Variants in SORCS2 observed in about 807,000 individuals in gnomAD.
SORCS2 encodes the protein VPS10 domain-containing receptor SorCS2.
In SORCS2, 100 loss-of-function variants were observed where a neutral mutation model predicts 141.6. The observed-to-expected ratio is 0.71, with a 90% CI of 0.60 to 0.83. SORCS2 has a LOEUF of 0.83. SORCS2 is among the 40% of genes least tolerant of loss of function. SORCS2 has a pLI of 0.00. For missense variants in SORCS2, 1,646 were observed against 1,560.2 expected (o/e 1.05, Z -0.93); for synonymous variants, 789 against 676.9 (o/e 1.17, Z -2.57).
intron 1 of SORCS2, among the ~76,000 whole-genome samples, chr4:7,316,087 CATCT>C (rs1246546831): frequency 6.6e-6 from 1 of 152,030 alleles, no homozygotes; most frequent in Non-Finnish European, 1.5e-5. Context: ...TCTGTCCATC[CATCT>C]ATCCATCCAT....
chr4:7,279,612 T>A, intron 1 of SORCS2, among the ~76,000 whole-genome samples: 1 of 152,228 alleles, frequency 6.6e-6, no homozygotes, highest in South Asian at 2.1e-4. Flanking sequence ...CTTCCCTGCA[T>A]TATCAAGGCA....
chr4:7,421,519 C>A (rs954876064), intron 2 of SORCS2, among the ~76,000 whole-genome samples: 1 of 152,166 alleles, frequency 6.6e-6, no homozygotes, highest in Non-Finnish European at 1.5e-5. Context: ...TTCTAGCCAG[C>A]GCCAGGGAAT....
intron 3 of SORCS2, among the ~76,000 whole-genome samples, chr4:7,628,836 A>G (rs1719690111): frequency 6.6e-6 from 1 of 152,216 alleles, no homozygotes; most frequent in Non-Finnish European, 1.5e-5. Context: ...ACTGAACTGT[A>G]CACTCGAGAA....
intron 2 of SORCS2, chr4:7,434,809 T>C (rs1363316802): frequency 6.2e-7 from 1 of 1,607,420 alleles, no homozygotes; most frequent in Admixed American, 1.7e-5. Flanking sequence ...TGCACACTCC[T>C]GGGGGCCTGA....
chr4:7,306,446 G>A (rs1276589008), intron 1 of SORCS2, among the ~76,000 whole-genome samples: 8 of 152,180 alleles, frequency 5.3e-5, no homozygotes, highest in Admixed American at 2.6e-4. Flanking sequence ...CGGTGGCCCT[G>A]CTGTGTCTGA....
In SORCS2 at chr4:7,695,936, G is replaced by GGA. The variant is rs1560491022; in HGVS notation, c.1592-1262_1592-1261insGA. Among the ~76,000 whole-genome samples the GGA allele has an allele frequency of 1.6e-4, 12 of 76,226 alleles. 1 individual carries two copies. Among genetic ancestry groups the GGA allele is most frequent in the East Asian group, 7.6e-4 (2 of 2,622 alleles). 50.0% of individuals were successfully genotyped at this position (76,226 alleles called of 152,430 possible). Reference sequence around the variant, plus strand: ...GATGGATGGATGGATTGGTGGGTGGGTGGGTGGATGGATGGATGGATGGAT... The same window carrying GGA: ...GATGGATGGATGGATTGGTGGGTGGGGATGGGTGGATGGATGGATGGATGGAT... On this transcript the variant is annotated intron_variant, in intron 11 of 26. Coordinates refer to ENST00000507866, the MANE Select transcript of SORCS2 (RefSeq NM_020777.3).
chr4:7,386,701 A>T, intron 1 of SORCS2, among the ~76,000 whole-genome samples: 1 of 149,286 alleles, frequency 6.7e-6, no homozygotes, highest in East Asian at 2.0e-4. Context: ...ATGCACACAC[A>T]GATACAGAGA....
intron 3 of SORCS2, among the ~76,000 whole-genome samples, chr4:7,595,747 C>G (rs781477284): frequency 3.3e-5 from 5 of 152,178 alleles, no homozygotes; most frequent in Non-Finnish European, 7.3e-5. Flanking sequence ...TGCCCTGGTT[C>G]TGTGATTTCA....
intron 1 of SORCS2, among the ~76,000 whole-genome samples, chr4:7,379,529 G>A (rs1223054783): frequency 2.6e-5 from 4 of 152,194 alleles, no homozygotes; most frequent in African/African-American, 4.8e-5. Flanking sequence ...AGGCTTTCCC[G>A]TTCACAAATG....
chr4:7,687,855 C>T (rs183490467), intron 10 of SORCS2, among the ~76,000 whole-genome samples: 61 of 152,278 alleles, frequency 4.0e-4, no homozygotes, highest in South Asian at 1.5e-3. Context: ...AGGAAGGCCC[C>T]GATCCTTAGC....
At chr4:7,209,991 C>T (rs1727970594) in intron 1 of SORCS2, among the ~76,000 whole-genome samples, 3 of 152,210 alleles carry the variant, frequency 2.0e-5, no homozygotes, top group Admixed American at 6.5e-5. Flanking sequence ...GAGGTTACAG[C>T]CCTCTGGGAC....
intron 2 of SORCS2, among the ~76,000 whole-genome samples, chr4:7,454,427 C>T (rs1473395126): frequency 7.2e-5 from 8 of 110,456 alleles, no homozygotes; most frequent in South Asian, 3.2e-4. Context: ...GGTCAGGCTC[C>T]GTGTTGGAGT....
At chr4:7,583,545 G>T (rs1260540298) in intron 3 of SORCS2, among the ~76,000 whole-genome samples, 1 of 152,148 alleles carries the variant, frequency 6.6e-6, no homozygotes, top group African/African-American at 2.4e-5. Context: ...GGGGCCCAGT[G>T]GGAGATAACT....
intron 1 of SORCS2, among the ~76,000 whole-genome samples, chr4:7,338,849 G>C (rs1720196038): frequency 6.6e-6 from 1 of 152,208 alleles, no homozygotes; most frequent in Admixed American, 6.5e-5. Flanking sequence ...CAAAGCTGTT[G>C]CTCCTGGGCC....
At chr4:7,739,516 C>A (rs572976303) in intron 26 of SORCS2, among the ~76,000 whole-genome samples, 1 of 152,208 alleles carries the variant, frequency 6.6e-6, no homozygotes, top group Non-Finnish European at 1.5e-5. Context: ...ATGCAGCAGC[C>A]GCACTTCCCC....
chr4:7,656,090 A>T (rs1214687208), intron 5 of SORCS2, among the ~76,000 whole-genome samples: 1 of 152,188 alleles, frequency 6.6e-6, no homozygotes, highest in African/African-American at 2.4e-5. Context: ...GCGGTGAATA[A>T]TGCTGTTTTG....
In SORCS2 at chr4:7,517,896, A is replaced by C. The variant is rs147980048; in HGVS notation, c.549-13634A>C. Among the ~76,000 whole-genome samples, 499 of 152,360 alleles carry C rather than the reference A, an allele frequency of 3.3e-3. 24 individuals are homozygous for C. The East Asian group carries it at 0.083, about 25-fold the overall frequency. ...AGCACGTGGTAGGCACTCTGTTTGC[A>C]GAACAGATTTGAAAAAGTTCAGCCT... On this transcript the variant is annotated intron_variant, in intron 2 of 26. Transcript: ENST00000507866.
chr4:7,701,777 C>T (rs925630003), intron 12 of SORCS2, among the ~76,000 whole-genome samples: 2 of 152,196 alleles, frequency 1.3e-5, no homozygotes, highest in African/African-American at 4.8e-5. Flanking sequence ...CATTCAGACT[C>T]TGAGGGAGAC....
chr4:7,492,899 C>T (rs190454910), intron 2 of SORCS2, among the ~76,000 whole-genome samples: 29 of 152,290 alleles, frequency 1.9e-4, no homozygotes, highest in Admixed American at 1.8e-3. Flanking sequence ...CCCATATTAC[C>T]TTAGGAAAGC....
Sources: allele counts gnomAD v4.1 joint callset (sites outside exome capture counted in the v4.1 genomes callset), GRCh38; gene constraint gnomAD v4.1.1; transcripts MANE v1.5; gene names NCBI Gene and HGNC (gene_info 2026-07-23, HGNC 2026-07-21).